The following KLHL10 variants were observed in gnomAD, a reference collection of about 807,000 sequenced individuals.
KLHL10 encodes the protein kelch like family member 10.
Under a neutral mutation model 46.6 loss-of-function variants are expected in KLHL10, and 11 were observed. The observed-to-expected ratio is 0.24, with a 90% confidence interval of 0.15 to 0.39. KLHL10 has a LOEUF of 0.39. Among genes scored for constraint, KLHL10 ranks in the 10% least tolerant of loss-of-function variants. The probability of loss-of-function intolerance (pLI) is 1.00; values close to 1 mark genes in which losing one functional copy is unlikely to be tolerated. For missense variants in KLHL10, 475 were observed against 789.8 expected, an observed-to-expected ratio of 0.60 and a Z score of 4.78; for synonymous variants, 254 against 279.1, an observed-to-expected ratio of 0.91 and a Z score of 0.90.
chr17:41,839,208 T>C (rs1314671947), intron 1 of KLHL10, among the ~76,000 whole-genome samples: 1 of 152,176 alleles, frequency 6.6e-6, no homozygotes, highest in Non-Finnish European at 1.5e-5. Context: ...GTCAGTCTGG[T>C]CTCGAACACC....
intron 2 of KLHL10, 30 bp downstream of exon 2, chr17:41,842,342 C>T (rs1555620848): frequency 1.2e-6 from 2 of 1,612,900 alleles, no homozygotes; most frequent in Middle Eastern, 1.7e-4. Flanking sequence ...TCATTTATCA[C>T]AGAGAGATTG....
chr17:41,837,879 C>A lies in KLHL10; in HGVS notation c.-54C>A, dbSNP rs1041616797. 4 of 1,610,144 alleles carry A rather than the reference C, an allele frequency of 2.5e-6. No homozygotes were observed. In the African/African-American group the frequency reaches 4.0e-5, roughly 16 times the overall value. On this transcript the variant is annotated 5_prime_UTR_variant, in exon 1 of 5. Coordinates refer to ENST00000293303, the MANE Select transcript of KLHL10 (RefSeq NM_152467.5). ...GACAGCTGGCTAAAGGGGCCCCCCA[C>A]AACCCTCCCCGACACCCTAGGAAAG...
rs782093667 is a variant in KLHL10 at position 41,845,683 on chromosome 17, A to G, written c.1242A>G (p.Thr414=). 3 of 1,611,578 alleles carry G rather than the reference A, an allele frequency of 1.9e-6. No homozygotes were observed. The South Asian group carries it at 3.3e-5, about 18-fold the overall frequency. ...ATGAGCCAGAGACCAATCAATGGACACTCATCGCCCCCATGCACGAACAGA... is the reference window on the plus strand; with the variant it reads ...ATGAGCCAGAGACCAATCAATGGACGCTCATCGCCCCCATGCACGAACAGA... ...ERYEPETNQW[T]LIAPMHEQRS... Residue 414 remains threonine (T), a synonymous_variant, in exon 3 of 5, where the codon ACA becomes ACG. Coordinates refer to ENST00000293303, the MANE Select transcript of KLHL10 (RefSeq NM_152467.5).
At chr17:41,847,464 G>C (rs1479141988) in intron 4 of KLHL10, 54 bp downstream of exon 4, 2 of 1,585,972 alleles carry the variant, frequency 1.3e-6, no homozygotes, top group Non-Finnish European at 1.7e-6. Context: ...CCTAGATTTT[G>C]TATTAGTAAA....
chr17:41,840,479 A>G (rs1367785888), intron 1 of KLHL10, among the ~76,000 whole-genome samples: 1 of 151,716 alleles, frequency 6.6e-6, no homozygotes, highest in Non-Finnish European at 1.5e-5. Context: ...AATACAAAAA[A>G]CCGGGCATAA....
At chr17:41,845,012 A>C in intron 2 of KLHL10, 114 bp from the exon 3 acceptor site, 1 of 1,380,820 alleles carries the variant, frequency 7.2e-7, no homozygotes, top group Non-Finnish European at 1.0e-6. Flanking sequence ...CATTTCAAAA[A>C]CAAACCAAAA....
At chr17:41,847,206 T>C in intron 3 of KLHL10, 55 bp from the exon 4 acceptor site, 1 of 1,548,740 alleles carries the variant, frequency 6.5e-7, no homozygotes, top group Non-Finnish European at 8.9e-7. Flanking sequence ...ACACATATCC[T>C]TTCTTTCTAC....
At chr17:41,840,351 G>A (rs373982578) in intron 1 of KLHL10, among the ~76,000 whole-genome samples, 2 of 152,146 alleles carry the variant, frequency 1.3e-5, no homozygotes, top group Admixed American at 6.5e-5. Context: ...CCCAACCAGC[G>A]GGGCGCAGTG....
upstream of KLHL10, chr17:41,837,504 G>A: frequency 1.1e-5 from 11 of 1,003,390 alleles, no homozygotes; most frequent in Non-Finnish European, 1.3e-5. Flanking sequence ...AATTGACTTG[G>A]ATTTCCTTGA....
rs1555621294 is a variant in KLHL10 at position 41,845,621 on chromosome 17, T to C, written c.1180T>C (p.Phe394Leu). 6.2e-7 allele frequency: 1 copy of C among 1,613,804 alleles called. No homozygotes were observed. Among genetic ancestry groups the C allele is most frequent in the South Asian group, 1.1e-5 (1 of 91,078 alleles). ...CAATTTTATTTATGCCATGGGAGGA[T>C]TTGATGGCTACGTGCGTCTAAACAC... Reference protein sequence around the residue: ...LGNFIYAMGGFDGYVRLNTAE... With the variant: ...LGNFIYAMGGLDGYVRLNTAE... Residue 394 changes from phenylalanine (F) to leucine (L), a missense_variant, in exon 3 of 5, where the codon TTT (phenylalanine) becomes CTT (leucine). By Grantham distance (22) the Phe-to-Leu change is conservative. Transcript: ENST00000293303.
chr17:41,836,349 G>A, upstream of KLHL10: 1 of 1,222,884 alleles, frequency 8.2e-7, no homozygotes, highest in Non-Finnish European at 1.0e-6. Context: ...GGAGATGGCC[G>A]CGATCCGGGT....
At chr17:41,841,527 C>A (rs1597935322) in intron 1 of KLHL10, among the ~76,000 whole-genome samples, 1 of 152,170 alleles carries the variant, frequency 6.6e-6, no homozygotes, top group Non-Finnish European at 1.5e-5. Context: ...GTTGGCCAGG[C>A]TGGTCTTGAA....
intron 1 of KLHL10, among the ~76,000 whole-genome samples, chr17:41,840,403 G>A (rs1251125353): frequency 3.3e-5 from 5 of 152,154 alleles, no homozygotes; most frequent in African/African-American, 4.8e-5. Flanking sequence ...GCTGAGGTGG[G>A]TGGATCATGA....
At chr17:41,837,154 C>T (rs144152500), upstream of KLHL10, among the ~76,000 whole-genome samples, 103 of 152,252 alleles carry the variant, frequency 6.8e-4, 1 homozygote, top group East Asian at 0.016. Flanking sequence ...GAGCGAGACC[C>T]GTCCCTAGAA....
chr17:41,837,699 G>A, upstream of KLHL10: 1 of 1,231,526 alleles, frequency 8.1e-7, no homozygotes, highest in Non-Finnish European at 1.1e-6. Flanking sequence ...CAGCCTAAGT[G>A]GGGTGGTAAG....
chr17:41,847,477 G>C, intron 4 of KLHL10, 67 bp downstream of exon 4: 1 of 1,584,556 alleles, frequency 6.3e-7, no homozygotes, highest in Non-Finnish European at 8.7e-7. Context: ...TTAGTAAATG[G>C]GTTTATGCTA....
upstream of KLHL10, among the ~76,000 whole-genome samples, chr17:41,837,024 G>A (rs542054585): frequency 2.0e-5 from 3 of 152,296 alleles, no homozygotes; most frequent in Non-Finnish European, 2.9e-5. Context: ...GGCTGGGCAC[G>A]GTGCGGAGCA....
upstream of KLHL10, chr17:41,837,677 T>A: frequency 8.6e-7 from 1 of 1,166,698 alleles, no homozygotes; most frequent in Non-Finnish European, 1.1e-6. Context: ...GAAGGAGGTG[T>A]GAGGTGGTTT....
upstream of KLHL10, among the ~76,000 whole-genome samples, chr17:41,837,227 C>T (rs1344732877): frequency 6.6e-6 from 1 of 152,122 alleles, no homozygotes; most frequent in Non-Finnish European, 1.5e-5. Flanking sequence ...TGCAGTGGAG[C>T]GATCTCGGCT....
Sources: allele counts gnomAD v4.1 joint callset (sites outside exome capture counted in the v4.1 genomes callset), GRCh38; gene constraint gnomAD v4.1.1; transcripts MANE v1.5; gene names NCBI Gene and HGNC (gene_info 2026-07-23, HGNC 2026-07-21).